STXBP5L: variants seen among roughly 807,000 people sequenced by gnomAD.
STXBP5L encodes the protein syntaxin binding protein 5L.
STXBP5L carries 65 observed loss-of-function variants against 144.5 expected under a neutral mutation model. The observed-to-expected ratio is 0.45, with a 90% CI of 0.37 to 0.55. The LOEUF (loss-of-function observed/expected upper bound fraction) is 0.55. STXBP5L is among the 20% of genes least tolerant of loss of function. The probability of loss-of-function intolerance (pLI) is 0.00; values close to 1 mark genes in which losing one functional copy is unlikely to be tolerated. For synonymous variants in STXBP5L, 505 were observed against 469.6 expected, an observed-to-expected ratio of 1.08 and a Z score of -0.97; for missense variants, 1,298 against 1,405.5, an observed-to-expected ratio of 0.92 and a Z score of 1.22.
chr3:121,418,975 T>C, intron 26 of STXBP5L, 81 bp from the exon 27 acceptor site: 1 of 1,419,274 alleles, frequency 7.0e-7, no homozygotes, highest in Non-Finnish European at 9.6e-7. Context: ...TAGATTTGCA[T>C]GATTAGCTCA....
chr3:121,005,474 C>T (rs1438959736), intron 3 of STXBP5L, among the ~76,000 whole-genome samples: 5 of 152,086 alleles, frequency 3.3e-5, no homozygotes, highest in African/African-American at 7.2e-5. Context: ...AGCGGTCTAT[C>T]AATTTTGTTG....
At position 120,987,134 on chromosome 3, in the gene STXBP5L, A is replaced by C. The variant is rs562066067; in HGVS notation, c.287+32097A>C. On this transcript the variant is annotated intron_variant, in intron 3 of 26. Coordinates refer to ENST00000471454, the MANE Select transcript of STXBP5L (RefSeq NM_001308330.2). Reference sequence around the variant, plus strand: ...ATTCATATTGAGACACATTATAATCAGACTTTAAAAAGTCAAGCAAAGAAA... The same window carrying C: ...ATTCATATTGAGACACATTATAATCCGACTTTAAAAAGTCAAGCAAAGAAA... Among the ~76,000 whole-genome samples the C allele has an allele frequency of 2.6e-5, 4 of 152,178 alleles. No homozygotes were observed. In the East Asian group the frequency reaches 7.7e-4, roughly 29 times the overall value.
At chr3:121,027,733 A>G (rs1946056247) in intron 3 of STXBP5L, among the ~76,000 whole-genome samples, 1 of 152,084 alleles carries the variant, frequency 6.6e-6, no homozygotes, top group Non-Finnish European at 1.5e-5. Flanking sequence ...TGGTCAGCCA[A>G]ACAGTGACCT....
intron 20 of STXBP5L, among the ~76,000 whole-genome samples, chr3:121,376,263 G>T (rs1358327548): frequency 6.6e-6 from 1 of 152,166 alleles, no homozygotes; most frequent in Non-Finnish European, 1.5e-5. Context: ...ACTGAGATTT[G>T]ATTCCAGGCA....
At chr3:120,980,785 A>G (rs1941688166) in intron 3 of STXBP5L, among the ~76,000 whole-genome samples, 1 of 152,058 alleles carries the variant, frequency 6.6e-6, no homozygotes, top group Non-Finnish European at 1.5e-5. Context: ...TTGGTTGTGT[A>G]ATTGTTTTAT....
chr3:120,957,412 TAAAA>T, intron 3 of STXBP5L, among the ~76,000 whole-genome samples: 1 of 152,038 alleles, frequency 6.6e-6, no homozygotes, highest in Non-Finnish European at 1.5e-5. Context: ...AAGTGATTTT[TAAAA>T]AATATGTTGT....
At chr3:120,961,125 A>T (rs1386516461) in intron 3 of STXBP5L, among the ~76,000 whole-genome samples, 2 of 151,504 alleles carry the variant, frequency 1.3e-5, no homozygotes, top group Non-Finnish European at 2.9e-5. Flanking sequence ...TGTTCGTAAT[A>T]GTTTCTAATG....
In STXBP5L at chr3:121,067,879, A is replaced by T. The variant is rs552410424; in HGVS notation, c.470+22344A>T. On this transcript the variant is annotated intron_variant, in intron 5 of 26. Transcript: ENST00000471454. ...AGTAATATATCTTGTCTTGAAATAT[A>T]CATTGATATTTGCATAGCTAGTCCA... Among the ~76,000 whole-genome samples the T allele has an allele frequency of 2.0e-5, 3 of 152,356 alleles. No individual in the cohort carries two copies. The East Asian group carries it at 5.8e-4, about 29-fold the overall frequency.
At position 121,042,553 on chromosome 3, in the gene STXBP5L, A is replaced by T. The variant is rs192942985; in HGVS notation, c.369+772A>T. ...ATTGAACTCAGTGTCTCGGAAAAAA[A>T]TGTTTGGTTATTTTCTCATGGCATG... On this transcript the variant is annotated intron_variant, in intron 4 of 26. Coordinates refer to ENST00000471454, the MANE Select transcript of STXBP5L (RefSeq NM_001308330.2). 2.3e-4 allele frequency among the ~76,000 whole-genome samples: 35 copies of T among 152,258 alleles called. No individual in the cohort carries two copies. In the East Asian group the frequency reaches 6.6e-3, roughly 29 times the overall value.
intron 20 of STXBP5L, among the ~76,000 whole-genome samples, chr3:121,367,798 T>TTTTTTTTG (rs1244713869): frequency 7.1e-6 from 1 of 140,288 alleles, no homozygotes; most frequent in African/African-American, 2.7e-5. Flanking sequence ...TCCTTTTTTT[T>TTTTTTTTG]TTTTTTTGTA....
At chr3:121,086,462 A>G (rs938936784) in intron 5 of STXBP5L, among the ~76,000 whole-genome samples, 6 of 148,766 alleles carry the variant, frequency 4.0e-5, no homozygotes, top group Non-Finnish European at 7.4e-5. Flanking sequence ...CCTTTTCTAT[A>G]TTTAAATATT....
intron 20 of STXBP5L, among the ~76,000 whole-genome samples, chr3:121,369,826 C>G (rs905662272): frequency 2.0e-5 from 3 of 152,154 alleles, no homozygotes; most frequent in Middle Eastern, 3.4e-3. Flanking sequence ...TGGGGATGGT[C>G]TTCTTGTGGT....
chr3:121,190,811 T>C (rs1215805155), intron 9 of STXBP5L, among the ~76,000 whole-genome samples: 1 of 149,532 alleles, frequency 6.7e-6, no homozygotes, highest in Non-Finnish European at 1.5e-5. Flanking sequence ...GAGGGGCTCC[T>C]CACTTCTCAG....
chr3:120,962,963 T>C (rs144129342), intron 3 of STXBP5L, among the ~76,000 whole-genome samples: 6,051 of 152,314 alleles, frequency 0.04, 168 homozygotes, highest in Middle Eastern at 0.082. Flanking sequence ...AGCAGTGGTT[T>C]GTAGTTCTTC....
chr3:121,367,289 G>T (rs926485575), intron 20 of STXBP5L, among the ~76,000 whole-genome samples: 1 of 151,968 alleles, frequency 6.6e-6, no homozygotes, highest in South Asian at 2.1e-4. Context: ...CACCCTGCAG[G>T]ACTCCTTTGC....
intron 3 of STXBP5L, among the ~76,000 whole-genome samples, chr3:121,017,383 G>A (rs1329253806): frequency 6.6e-6 from 1 of 152,176 alleles, no homozygotes. Context: ...CATGAACAAG[G>A]TAAGGATGTA....
chr3:121,372,663 G>A (rs2046067801), intron 20 of STXBP5L, among the ~76,000 whole-genome samples: 1 of 151,916 alleles, frequency 6.6e-6, no homozygotes, highest in Non-Finnish European at 1.5e-5. Flanking sequence ...CCCAGCCCCT[G>A]TGTCTTCCCT....
intron 19 of STXBP5L, among the ~76,000 whole-genome samples, chr3:121,287,397 GA>G (rs1470502236): frequency 2.0e-5 from 3 of 152,116 alleles, no homozygotes; most frequent in African/African-American, 7.2e-5. Flanking sequence ...CAATGTGCAG[GA>G]TATAAGGTTA....
chr3:121,208,619 T>TATAG (rs1379071475), intron 10 of STXBP5L, among the ~76,000 whole-genome samples: 1 of 152,126 alleles, frequency 6.6e-6, no homozygotes, highest in Non-Finnish European at 1.5e-5. Flanking sequence ...AAATATTACT[T>TATAG]ATAGTTTAAG....
Sources: gnomAD v4.1 joint callset for allele counts (sites outside exome capture counted in the v4.1 genomes callset) on GRCh38, gnomAD v4.1.1 for gene constraint, MANE v1.5 for transcripts, NCBI Gene and HGNC (gene_info 2026-07-23, HGNC 2026-07-21) for gene names.